Variants in FAM53B observed in about 807,000 individuals in gnomAD.
FAM53B encodes the protein family with sequence similarity 53 member B, also known as protein FAM53B.
A neutral mutation model predicts 32.7 loss-of-function variants in FAM53B; 12 were observed. That is an observed-to-expected ratio of 0.37 (90% CI 0.24 to 0.59). FAM53B has a LOEUF of 0.59. Ranked by LOEUF, FAM53B falls within the 20% of genes least tolerant of loss-of-function variation. The pLI is 0.72. For synonymous variants in FAM53B, 234 were observed against 228.7 expected, an observed-to-expected ratio of 1.02 and a Z score of -0.21; for missense variants, 477 against 577.7, an observed-to-expected ratio of 0.83 and a Z score of 1.79.
chr10:124,631,148 C>T (rs527648781), intron 4 of FAM53B, among the ~76,000 whole-genome samples: 2 of 152,224 alleles, frequency 1.3e-5, no homozygotes, highest in South Asian at 2.1e-4. Flanking sequence ...TTGCTGTCCC[C>T]GCTCTGGTGG....
chr10:124,721,481 G>T lies in FAM53B; in HGVS notation c.-174-14594C>A, dbSNP rs1408368225. The stretch of plus-strand genomic sequence containing the variant: ...CAGTTCTAGCTGACCTTGTCCTGCA[G>T]GGTATGGCCTGAAGGTCACAGTCTG... On this transcript the variant is annotated intron_variant, in intron 1 of 4. Transcript: ENST00000337318. Among the ~76,000 whole-genome samples the T allele has an allele frequency of 2.0e-5, 3 of 152,242 alleles. No homozygotes were observed. In the East Asian group the frequency reaches 5.8e-4, roughly 29 times the overall value.
chr10:124,703,421 T>C (rs973074831), intron 2 of FAM53B, among the ~76,000 whole-genome samples: 7 of 152,218 alleles, frequency 4.6e-5, no homozygotes, highest in African/African-American at 1.7e-4. Context: ...TTACCCAGCC[T>C]CAGGTATTCC....
chr10:124,682,796 G>T lies in FAM53B; in HGVS notation c.134-417C>A, dbSNP rs1024954964. On this transcript the variant is annotated intron_variant, in intron 3 of 4. Coordinates refer to ENST00000337318, the MANE Select transcript of FAM53B (RefSeq NM_014661.4). This position sits in a 1 kb window ranked among gnomAD's most constrained non-coding sequence, Gnocchi z 5.2. ...CAAGACATCTGTTAAGTGCCACCAG[G>T]TTCTCTGCAGCTCTCAGGACTGGGA... 2.0e-5 allele frequency among the ~76,000 whole-genome samples: 3 copies of T among 152,240 alleles called. No individual in the cohort carries two copies. The highest frequency in any genetic ancestry group is 4.4e-5 in the Non-Finnish European group (3 of 68,042).
At chr10:124,650,519 T>A (rs1357374767) in intron 4 of FAM53B, among the ~76,000 whole-genome samples, 1 of 152,236 alleles carries the variant, frequency 6.6e-6, no homozygotes, top group East Asian at 1.9e-4. Flanking sequence ...CTACACCCTT[T>A]GGCCTATGTG....
intron 4 of FAM53B, among the ~76,000 whole-genome samples, chr10:124,625,895 G>A (rs1160081433): frequency 2.6e-5 from 4 of 152,224 alleles, no homozygotes; most frequent in Admixed American, 2.6e-4. Flanking sequence ...TCCCCGGGGA[G>A]CCTGACCCAC....
At chr10:124,658,401 T>C (rs1392653797) in intron 4 of FAM53B, among the ~76,000 whole-genome samples, 2 of 152,220 alleles carry the variant, frequency 1.3e-5, no homozygotes, top group African/African-American at 4.8e-5. Context: ...GCCACATCCC[T>C]ACCCTGGTTA....
At chr10:124,668,914 A>G (rs909713648) in intron 4 of FAM53B, among the ~76,000 whole-genome samples, 5 of 152,238 alleles carry the variant, frequency 3.3e-5, no homozygotes, top group Admixed American at 6.5e-5. Context: ...CTCCTTCCCA[A>G]GGCCTGATGT....
intron 2 of FAM53B, 56 bp downstream of exon 2, chr10:124,706,580 T>A (rs1287189102): frequency 5.0e-6 from 8 of 1,610,054 alleles, no homozygotes; most frequent in Admixed American, 1.7e-5. Context: ...CAGCCCTGTC[T>A]GTACATCAGG....
chr10:124,629,718 A>G lies in FAM53B; in HGVS notation c.907-6114T>C, dbSNP rs577892540. Among the ~76,000 whole-genome samples the G allele has an allele frequency of 9.8e-5, 15 of 152,396 alleles. No individual in the cohort carries two copies. The East Asian group carries it at 2.7e-3, about 27-fold the overall frequency. On this transcript the variant is annotated intron_variant, in intron 4 of 4. Transcript: ENST00000337318. ...AGTCCCATTTGTGCTGGAAGCTGGC[A>G]CAGAAACAACCAAGACGGCAAGGCA...
At position 124,682,611 on chromosome 10, in the gene FAM53B, G is replaced by T. The variant is rs977629130; in HGVS notation, c.134-232C>A. 3.9e-5 allele frequency among the ~76,000 whole-genome samples: 6 copies of T among 152,182 alleles called. No homozygotes were observed. The highest frequency in any genetic ancestry group is 7.4e-5 in the Non-Finnish European group (5 of 68,024). ...GAAGCAGAGCAGGGCCTAGAATCCA[G>T]ATATACCCCTGGGACTCCTGATATG... On this transcript the variant is annotated intron_variant, in intron 3 of 4. Transcript: ENST00000337318. This position sits in a 1 kb window ranked among gnomAD's most constrained non-coding sequence, Gnocchi z 5.2.
chr10:124,631,303 A>T (rs1353542672), intron 4 of FAM53B, among the ~76,000 whole-genome samples: 1 of 152,198 alleles, frequency 6.6e-6, no homozygotes, highest in African/African-American at 2.4e-5. Flanking sequence ...TGGCCTCCGG[A>T]GGCTGAAGGA....
At chr10:124,658,585 C>A (rs1483511492) in intron 4 of FAM53B, among the ~76,000 whole-genome samples, 1 of 152,198 alleles carries the variant, frequency 6.6e-6, no homozygotes, top group Non-Finnish European at 1.5e-5. Flanking sequence ...CCTTTGAGAA[C>A]CATCCATACA....
intron 2 of FAM53B, among the ~76,000 whole-genome samples, chr10:124,702,562 TG>T (rs948658435): frequency 2.6e-5 from 4 of 152,130 alleles, no homozygotes; most frequent in Non-Finnish European, 5.9e-5. Context: ...GAGAAGGTGC[TG>T]GGGGAAGCAG....
chr10:124,732,829 C>CAA (rs201097598), intron 1 of FAM53B, among the ~76,000 whole-genome samples: 1 of 122,842 alleles, frequency 8.1e-6, no homozygotes, highest in Non-Finnish European at 1.8e-5. Flanking sequence ...GACTCCATCA[C>CAA]AAAAAAAAAA....
chr10:124,663,128 A>G (rs1949645228), intron 4 of FAM53B, among the ~76,000 whole-genome samples: 1 of 152,244 alleles, frequency 6.6e-6, no homozygotes, highest in Admixed American at 6.5e-5. Context: ...GAAGACCACA[A>G]GGCAGGCTGC....
At chr10:124,660,149 C>T (rs1949620212) in intron 4 of FAM53B, among the ~76,000 whole-genome samples, 1 of 152,218 alleles carries the variant, frequency 6.6e-6, no homozygotes, top group Admixed American at 6.5e-5. Flanking sequence ...GGCGAGAAGC[C>T]CAGTGCTGCC....
At chr10:124,626,633 T>C (rs998732748) in intron 4 of FAM53B, among the ~76,000 whole-genome samples, 1 of 152,240 alleles carries the variant, frequency 6.6e-6, no homozygotes, top group African/African-American at 2.4e-5. Flanking sequence ...AATACATTTC[T>C]GCGGTTTATA....
rs1949445173 is a variant in FAM53B, at chr10:124,638,055, G to C, written c.907-14451C>G. Among the ~76,000 whole-genome samples, 3 of 152,164 alleles carry C rather than the reference G, an allele frequency of 2.0e-5. No individual in the cohort carries two copies. In the South Asian group the frequency reaches 6.2e-4, roughly 32 times the overall value. On this transcript the variant is annotated intron_variant, in intron 4 of 4. Coordinates refer to ENST00000337318, the MANE Select transcript of FAM53B (RefSeq NM_014661.4). ...GAAGGACTGAAATGATGATCCATTT[G>C]GGGTGGGATCCTGCCTGTCAACACT... is the stretch of plus-strand genomic sequence containing the variant.
chr10:124,681,116 A>G (rs936804723), intron 4 of FAM53B, among the ~76,000 whole-genome samples: 7 of 152,204 alleles, frequency 4.6e-5, no homozygotes, highest in African/African-American at 1.7e-4. Flanking sequence ...TGATGGCCTC[A>G]TGTTTCAACA....
Sources: allele counts gnomAD v4.1 joint callset (sites outside exome capture counted in the v4.1 genomes callset), GRCh38; gene constraint gnomAD v4.1.1; non-coding constraint Gnocchi (gnomAD v3.1); transcripts MANE v1.5; gene names NCBI Gene and HGNC (gene_info 2026-07-23, HGNC 2026-07-21).